Variants in ANKRD17 observed in about 807,000 individuals in gnomAD.
The protein encoded by ANKRD17 is ankyrin repeat domain 17.
A neutral mutation model predicts 229.7 loss-of-function variants in ANKRD17; 19 were observed. The ratio of observed to expected loss-of-function variants is 0.08; its 90% CI spans 0.06 to 0.12. ANKRD17 has a LOEUF of 0.12. ANKRD17 is among the 10% of genes least tolerant of loss of function. The pLI, the probability that ANKRD17 is intolerant of heterozygous loss-of-function variation, is 1.00. For missense variants in ANKRD17, 2,176 were observed against 3,176.8 expected (o/e 0.68, Z 7.57); for synonymous variants, 1,112 against 1,146.1 (o/e 0.97, Z 0.60).
intron 27 of ANKRD17, 143 bp from the exon 28 acceptor site, chr4:73,094,371 C>T (rs1433470722): frequency 1.3e-6 from 1 of 743,468 alleles, no homozygotes; most frequent in Non-Finnish European, 2.1e-6. Flanking sequence ...TACTCTTACT[C>T]TAGATGAACA....
chr4:73,213,373 T>C (rs555521794), intron 1 of ANKRD17, among the ~76,000 whole-genome samples: 2 of 152,204 alleles, frequency 1.3e-5, no homozygotes, highest in East Asian at 3.9e-4. Context: ...CTGGACAACC[T>C]GCAGCAAGAA....
rs1401319022 is a variant in ANKRD17 at position 73,144,788 on chromosome 4, T to G, written c.1914A>C (p.Ala638=). The change falls in exon 11 of 34, where the codon GCA becomes GCC. Residue 638 remains alanine (A), a synonymous_variant. Transcript: ENST00000358602. ...GAACAGTACAAACATGACCAGCTCT[T>G]GCAGCTTTCATTAAAGGAGTTCTTC... is the stretch of plus-strand genomic sequence containing the variant. ...EGGRTPLMKA[A]RAGHVCTVQF... The G allele has an allele frequency of 1.2e-6, 2 of 1,606,676 alleles. No individual in the cohort carries two copies. The highest frequency in any genetic ancestry group is 2.2e-5 in the South Asian group (2 of 89,126).
chr4:73,142,385 C>G lies in ANKRD17; in HGVS notation c.2086G>C (p.Asp696His). 2 of 1,586,786 alleles carry G rather than the reference C, an allele frequency of 1.3e-6. No homozygotes were observed. The change falls in exon 13 of 34, where the codon GAT becomes CAT. Residue 696 changes from aspartate to histidine, a missense_variant and splice_region_variant. Asp to His is a moderately conservative substitution (Grantham distance 81). Transcript: ENST00000358602. ...GCTTCTATCAACATAGTTGAGCCAT[C>G]CTAAAAGAGTGAATATGGAAGGGGA... ...HGADPTHRLKDGSTMLIEAAK... is the reference protein window; with the variant it reads ...HGADPTHRLKHGSTMLIEAAK...
At chr4:73,119,447 G>A (rs1417479564) in intron 21 of ANKRD17, among the ~76,000 whole-genome samples, 1 of 152,114 alleles carries the variant, frequency 6.6e-6, no homozygotes, top group Non-Finnish European at 1.5e-5. Flanking sequence ...TTTCCTTTGA[G>A]TGTCATAACA....
chr4:73,191,933 TTTTTA>T (rs1737161118), intron 1 of ANKRD17, among the ~76,000 whole-genome samples: 1 of 152,106 alleles, frequency 6.6e-6, no homozygotes, highest in Non-Finnish European at 1.5e-5. Context: ...ATGGAAGTTC[TTTTTA>T]TTTTAACAGG....
At chr4:73,201,731 T>C (rs1372386590) in intron 1 of ANKRD17, among the ~76,000 whole-genome samples, 1 of 152,224 alleles carries the variant, frequency 6.6e-6, no homozygotes, top group Non-Finnish European at 1.5e-5. Context: ...GTAATTGCCA[T>C]TAGGAATAAC....
chr4:73,213,962 T>C (rs1740660998), intron 1 of ANKRD17, among the ~76,000 whole-genome samples: 1 of 152,176 alleles, frequency 6.6e-6, no homozygotes, highest in South Asian at 2.1e-4. Flanking sequence ...ATTTGACAAA[T>C]ATTTCATATA....
intron 1 of ANKRD17, among the ~76,000 whole-genome samples, chr4:73,237,164 T>C (rs1328473425): frequency 3.3e-5 from 5 of 152,154 alleles, no homozygotes; most frequent in Non-Finnish European, 7.3e-5. Context: ...CGTATTTGAT[T>C]AAGATATATG....
intron 10 of ANKRD17, among the ~76,000 whole-genome samples, chr4:73,145,210 AAT>A (rs1412713232): frequency 6.6e-6 from 1 of 152,170 alleles, no homozygotes; most frequent in African/African-American, 2.4e-5. Flanking sequence ...CCGAACAATC[AAT>A]ATAATGAGCA....
chr4:73,177,241 A>G, intron 2 of ANKRD17, 139 bp downstream of exon 2: 4 of 822,428 alleles, frequency 4.9e-6, no homozygotes, highest in Middle Eastern at 4.2e-4. Context: ...CATGTAATTC[A>G]GCAGAAAGTA....
At chr4:73,142,103 T>C (rs1729688204) in intron 13 of ANKRD17, 139 bp downstream of exon 13, 4 of 932,694 alleles carry the variant, frequency 4.3e-6, no homozygotes, top group Non-Finnish European at 6.1e-6. Context: ...CAGATGTTCA[T>C]TAACTGTATC....
chr4:73,230,359 T>C (rs970010505), intron 1 of ANKRD17, among the ~76,000 whole-genome samples: 2 of 152,154 alleles, frequency 1.3e-5, no homozygotes, highest in Non-Finnish European at 2.9e-5. Context: ...TCAAGGCTCA[T>C]ACTATAAAAA....
At chr4:73,157,157 T>C (rs1731772026) in intron 3 of ANKRD17, among the ~76,000 whole-genome samples, 2 of 152,166 alleles carry the variant, frequency 1.3e-5, no homozygotes, top group African/African-American at 4.8e-5. Context: ...AAATTTTTTA[T>C]AAAATTTAAT....
intron 1 of ANKRD17, among the ~76,000 whole-genome samples, chr4:73,241,543 A>T (rs1744040316): frequency 1.3e-5 from 2 of 152,186 alleles, no homozygotes; most frequent in South Asian, 4.1e-4. Context: ...GCCACTTTTT[A>T]AAAAATTACT....
At chr4:73,228,079 A>G (rs1317485715) in intron 1 of ANKRD17, among the ~76,000 whole-genome samples, 1 of 152,190 alleles carries the variant, frequency 6.6e-6, no homozygotes, top group Non-Finnish European at 1.5e-5. Context: ...TCTACCTCTT[A>G]AAATTATTAA....
intron 25 of ANKRD17, chr4:73,101,048 G>T: frequency 1.1e-6 from 1 of 899,204 alleles, no homozygotes; most frequent in South Asian, 5.1e-5. Flanking sequence ...GGTATTAGAG[G>T]TAATGTAGAG....
rs1437018938 is a variant in ANKRD17 at position 73,245,651 on chromosome 4, T to C, written c.393+12625A>G. Among the ~76,000 whole-genome samples, 3 of 152,144 alleles carry C rather than the reference T, an allele frequency of 2.0e-5. No individual in the cohort carries two copies. In the East Asian group the frequency reaches 5.8e-4, roughly 29 times the overall value. ...TCCTTGTAATAAATCTCTTAATACA[T>C]AACAATCATATATAAATCTACTTGC... On this transcript the variant is annotated intron_variant, in intron 1 of 33. Coordinates refer to ENST00000358602, the MANE Select transcript of ANKRD17 (RefSeq NM_032217.5).
intron 11 of ANKRD17, among the ~76,000 whole-genome samples, chr4:73,143,815 A>T (rs528831241): frequency 9.2e-4 from 140 of 152,236 alleles, no homozygotes; most frequent in Non-Finnish European, 2.1e-4. Flanking sequence ...ATCATAGCTC[A>T]CTATAATCTT....
At position 73,237,041 on chromosome 4, in the gene ANKRD17, A is replaced by C. The variant is rs559635081; in HGVS notation, c.393+21235T>G. The stretch of plus-strand genomic sequence containing the variant: ...TTGTCAAGCACAGAAACTGTGAAGT[A>C]TTCATATGCCTGTGGTTTAATGAAA... On this transcript the variant is annotated intron_variant, in intron 1 of 33. Coordinates refer to ENST00000358602, the MANE Select transcript of ANKRD17 (RefSeq NM_032217.5). Among the ~76,000 whole-genome samples the C allele has an allele frequency of 1.5e-3, 232 of 152,346 alleles. 1 individual carries two copies. Among genetic ancestry groups the C allele is most frequent in the South Asian group, 0.013 (65 of 4,832 alleles).
Sources: allele counts gnomAD v4.1 joint callset (sites outside exome capture counted in the v4.1 genomes callset), GRCh38; gene constraint gnomAD v4.1.1; transcripts MANE v1.5; gene names NCBI Gene and HGNC (gene_info 2026-07-23, HGNC 2026-07-21).